Variants in ARHGEF7 observed in about 807,000 individuals in gnomAD.
ARHGEF7 encodes the protein PAK-interacting exchange factor beta.
In ARHGEF7, 33 loss-of-function variants were observed where a neutral mutation model predicts 109.8. The observed-to-expected ratio is 0.30, with a 90% confidence interval of 0.23 to 0.40. ARHGEF7 has a LOEUF of 0.40. ARHGEF7 is among the 10% of genes least tolerant of loss of function. The pLI is 1.00. For synonymous variants in ARHGEF7, 458 were observed against 424.6 expected (o/e 1.08, Z -0.97); for missense variants, 938 against 1,098.5 (o/e 0.85, Z 2.07).
chr13:111,115,746 C>G, intron 1 of ARHGEF7, 55 bp downstream of exon 1: 2 of 1,024,068 alleles, frequency 2.0e-6, no homozygotes, highest in Non-Finnish European at 2.4e-6. Flanking sequence ...CGCTGCGGCC[C>G]GGGATGCGCG....
At chr13:111,290,601 G>A (rs1295484198) in intron 18 of ARHGEF7, among the ~76,000 whole-genome samples, 1 of 152,232 alleles carries the variant, frequency 6.6e-6, no homozygotes, top group Non-Finnish European at 1.5e-5. Context: ...CCAGGGTCCT[G>A]TGATACGCTG....
intron 8 of ARHGEF7, among the ~76,000 whole-genome samples, chr13:111,251,591 T>G (rs1445732715): frequency 6.6e-6 from 1 of 152,214 alleles, no homozygotes; most frequent in African/African-American, 2.4e-5. Flanking sequence ...TAAATAAATA[T>G]CCGTTACCTT....
At chr13:111,212,105 T>G (rs1167348650) in intron 4 of ARHGEF7, among the ~76,000 whole-genome samples, 2 of 152,208 alleles carry the variant, frequency 1.3e-5, no homozygotes, top group African/African-American at 4.8e-5. Context: ...TTTTATAAGC[T>G]TGTTTTTCAT....
chr13:111,229,958 G>A (rs2085811937), intron 5 of ARHGEF7, among the ~76,000 whole-genome samples: 1 of 152,160 alleles, frequency 6.6e-6, no homozygotes, highest in Non-Finnish European at 1.5e-5. Flanking sequence ...CAGCTGTGCG[G>A]GTTACTAAGG....
chr13:111,278,493 G>A (rs1201947675), intron 13 of ARHGEF7, among the ~76,000 whole-genome samples: 1 of 152,194 alleles, frequency 6.6e-6, no homozygotes, highest in Admixed American at 6.5e-5. Context: ...TCCCTAAGCA[G>A]ACACTATGCC....
At chr13:111,206,983 A>G (rs1337675896) in intron 3 of ARHGEF7, among the ~76,000 whole-genome samples, 2 of 150,054 alleles carry the variant, frequency 1.3e-5, no homozygotes, top group Non-Finnish European at 1.5e-5. Context: ...AAAGAAAAAG[A>G]AAAAAAAAGA....
At chr13:111,244,403 G>A (rs997537750) in intron 8 of ARHGEF7, 109 bp downstream of exon 8, 18 of 690,576 alleles carry the variant, frequency 2.6e-5, no homozygotes, top group Non-Finnish European at 3.8e-5. Flanking sequence ...GCAAACTTAA[G>A]TTATTTTAAA....
chr13:111,152,127 G>A (rs943712265), intron 1 of ARHGEF7, among the ~76,000 whole-genome samples: 3 of 152,192 alleles, frequency 2.0e-5, no homozygotes, highest in African/African-American at 7.2e-5. Context: ...CATAAAAATA[G>A]ACTATATGAG....
chr13:111,297,024 A>G (rs997134483), intron 19 of ARHGEF7, among the ~76,000 whole-genome samples: 50 of 152,326 alleles, frequency 3.3e-4, no homozygotes, highest in African/African-American at 1.1e-3. Context: ...ATTCTAGGTA[A>G]CTCAGGGAAT....
rs540745663 is a variant in ARHGEF7 at position 111,295,578 on chromosome 13, G to A, written c.2311+3284G>A. 9.0e-3 allele frequency among the ~76,000 whole-genome samples: 1,368 copies of A among 152,310 alleles called. 20 individuals carry two copies. Among genetic ancestry groups the A allele is most frequent in the African/African-American group, 0.031 (1,294 of 41,548 alleles). ...TTTTATAAAGTGCTTATCCAGCTAA[G>A]AGAGTAATGAAGCAAAATAAAGGGA... is the stretch of plus-strand genomic sequence containing the variant. On this transcript the variant is annotated intron_variant, in intron 19 of 21. Transcript: ENST00000646102.
At chr13:111,150,373 C>T (rs1159528800) in intron 1 of ARHGEF7, among the ~76,000 whole-genome samples, 1 of 152,194 alleles carries the variant, frequency 6.6e-6, no homozygotes, top group Non-Finnish European at 1.5e-5. Context: ...TGACTATGCT[C>T]CCATGTTTTG....
At position 111,145,120 on chromosome 13, in the gene ARHGEF7, G is replaced by A. The variant is rs112608475; in HGVS notation, c.166-8785G>A. Among the ~76,000 whole-genome samples, 14 of 152,002 alleles carry A rather than the reference G, an allele frequency of 9.2e-5. No homozygotes were observed. Among genetic ancestry groups the A allele is most frequent in the African/African-American group, 3.4e-4 (14 of 41,396 alleles). Reference sequence around the variant, plus strand: ...ACACCAAACATAACTTGGAGATTGTGACATATCAGGATATAAAGCTGCCCC... The same window carrying A: ...ACACCAAACATAACTTGGAGATTGTAACATATCAGGATATAAAGCTGCCCC... On this transcript the variant is annotated intron_variant, in intron 1 of 21. Coordinates refer to ENST00000646102, the MANE Select transcript of ARHGEF7 (RefSeq NM_001354046.2). The surrounding 1 kb of genome is among the most constrained non-coding windows in gnomAD (Gnocchi z 4.3).
At chr13:111,140,380 G>C (rs940455337) in intron 1 of ARHGEF7, among the ~76,000 whole-genome samples, 5 of 152,194 alleles carry the variant, frequency 3.3e-5, no homozygotes, top group Non-Finnish European at 5.9e-5. Flanking sequence ...CTAGGGCGGT[G>C]GTGCAGGTTT....
chr13:111,156,745 G>A (rs78575102), intron 2 of ARHGEF7, among the ~76,000 whole-genome samples: 5,814 of 152,196 alleles, frequency 0.038, 154 homozygotes, highest in Middle Eastern at 0.078. Flanking sequence ...ATATGTTGTG[G>A]GATTTACACA....
rs1047542856 is a variant in ARHGEF7, at chr13:111,280,305, A to G, written c.1540A>G (p.Lys514Glu). The change falls in exon 14 of 22, where the codon AAG becomes GAG. Residue 514 changes from lysine (K) to glutamate (E), a missense_variant. Around this residue, in one of 4 missense-constraint regions of ARHGEF7, gnomAD observed 585 missense variants for 723.6 expected, o/e 0.81. Transcript: ENST00000646102. ...KLPTTGMTIT[K>E]LEDSENHRNA... ...TCCAACGACAGGAATGACAATCACA[A>G]AGCTTGAGGACAGTGAAAATCATAG... 1.1e-5 allele frequency: 17 copies of G among 1,613,448 alleles called. No individual in the cohort carries two copies. The highest frequency in any genetic ancestry group is 1.4e-5 in the Non-Finnish European group (17 of 1,179,846).
At chr13:111,219,645 G>T (rs978357948) in intron 5 of ARHGEF7, among the ~76,000 whole-genome samples, 3 of 147,712 alleles carry the variant, frequency 2.0e-5, no homozygotes, top group South Asian at 2.2e-4. Context: ...TCGCCAACTT[G>T]TTTTTTTTTT....
At chr13:111,302,969 C>T (rs1259024038) in intron 21 of ARHGEF7, 22 bp from the exon 22 acceptor site, 1 of 1,613,428 alleles carries the variant, frequency 6.2e-7, no homozygotes, top group East Asian at 2.2e-5. Context: ...AGTGAACACC[C>T]TGTGGTCTGC....
chr13:111,301,437 C>T (rs769561849), intron 20 of ARHGEF7, 41 bp from the exon 21 acceptor site: 34 of 1,581,602 alleles, frequency 2.1e-5, no homozygotes, highest in Admixed American at 5.1e-5. Flanking sequence ...CTCTCCATGC[C>T]TCACCTTGTT....
intron 1 of ARHGEF7, among the ~76,000 whole-genome samples, chr13:111,123,022 G>A (rs1320461871): frequency 6.6e-6 from 1 of 152,212 alleles, no homozygotes; most frequent in Non-Finnish European, 1.5e-5. Flanking sequence ...TGGGGTAGAC[G>A]ATAGAAGTGG....
Sources: allele counts gnomAD v4.1 joint callset (sites outside exome capture counted in the v4.1 genomes callset), GRCh38; gene constraint gnomAD v4.1.1; regional missense constraint gnomAD v4.1.1; non-coding constraint Gnocchi (gnomAD v3.1); transcripts MANE v1.5; gene names NCBI Gene and HGNC (gene_info 2026-07-23, HGNC 2026-07-21).